The following ROR1 variants were observed in gnomAD, a reference collection of about 807,000 sequenced individuals.
ROR1 encodes inactive tyrosine-protein kinase transmembrane receptor ROR1.
ROR1 carries 19 observed loss-of-function variants against 78.8 expected under a neutral mutation model. That is an observed-to-expected ratio of 0.24 (90% confidence interval 0.17 to 0.35). The LOEUF (loss-of-function observed/expected upper bound fraction) is 0.35, where lower values mean the gene tolerates loss of function less well. ROR1 is among the 10% of genes least tolerant of loss of function. ROR1 has a pLI of 1.00. For missense variants in ROR1, 917 were observed against 1,177.8 expected (o/e 0.78, Z 3.24); for synonymous variants, 386 against 433.6 (o/e 0.89, Z 1.36).
intron 2 of ROR1, among the ~76,000 whole-genome samples, chr1:64,023,754 G>A (rs1011446761): frequency 3.3e-5 from 5 of 152,096 alleles, no homozygotes; most frequent in Admixed American, 6.5e-5. Flanking sequence ...AAACAAATTC[G>A]CAAGCATCTT....
chr1:63,880,586 G>T (rs1024999033), intron 1 of ROR1, among the ~76,000 whole-genome samples: 3 of 152,110 alleles, frequency 2.0e-5, no homozygotes, highest in Admixed American at 6.6e-5. Context: ...TTCTTTAAAA[G>T]ACTCTGCCTG....
At chr1:63,847,709 G>A (rs911507060) in intron 1 of ROR1, among the ~76,000 whole-genome samples, 2 of 152,184 alleles carry the variant, frequency 1.3e-5, no homozygotes, top group Admixed American at 6.5e-5. Flanking sequence ...AAAACAAGGG[G>A]CTGTGTTCCT....
At chr1:63,946,460 A>T (rs1199845319) in intron 1 of ROR1, among the ~76,000 whole-genome samples, 2 of 152,182 alleles carry the variant, frequency 1.3e-5, no homozygotes, top group Admixed American at 1.3e-4. Context: ...AGTTAAAAAA[A>T]TGTTTTTGTG....
At chr1:64,081,359 T>C (rs1280043806) in intron 4 of ROR1, among the ~76,000 whole-genome samples, 1 of 152,206 alleles carries the variant, frequency 6.6e-6, no homozygotes, top group African/African-American at 2.4e-5. Context: ...TATTTAATGT[T>C]AGACATATTG....
chr1:64,046,200 T>C (rs1646781644), intron 2 of ROR1, among the ~76,000 whole-genome samples: 1 of 152,170 alleles, frequency 6.6e-6, no homozygotes, highest in African/African-American at 2.4e-5. Context: ...AGTGATGGTC[T>C]GACACACATC....
At chr1:63,814,391 C>G (rs2100274131) in intron 1 of ROR1, among the ~76,000 whole-genome samples, 1 of 152,134 alleles carries the variant, frequency 6.6e-6, no homozygotes, top group South Asian at 2.1e-4. Context: ...TTTTTAGCAC[C>G]AGGGACCAGT....
chr1:63,940,494 CAGACAGATAGAT>C (rs1557573291), intron 1 of ROR1, among the ~76,000 whole-genome samples: 4 of 77,806 alleles, frequency 5.1e-5, no homozygotes, highest in Non-Finnish European at 1.2e-4. Flanking sequence ...GATAGATAGA[CAGACAGATAGAT>C]AGATAGATAG....
chr1:63,932,389 A>G (rs1016079409), intron 1 of ROR1, among the ~76,000 whole-genome samples: 1 of 152,120 alleles, frequency 6.6e-6, no homozygotes, highest in Non-Finnish European at 1.5e-5. Flanking sequence ...GGCAGCACTC[A>G]GGTCTCGGCA....
chr1:63,869,145 C>T (rs966400786), intron 1 of ROR1, among the ~76,000 whole-genome samples: 1 of 152,200 alleles, frequency 6.6e-6, no homozygotes, highest in Non-Finnish European at 1.5e-5. Flanking sequence ...GAGAAGGTAT[C>T]TGGTTCCCAA....
At chr1:63,986,465 G>A (rs190775993) in intron 1 of ROR1, among the ~76,000 whole-genome samples, 3 of 152,174 alleles carry the variant, frequency 2.0e-5, no homozygotes, top group Admixed American at 1.3e-4. Context: ...GGTGTGTTTG[G>A]AATGGTGAGC....
intron 1 of ROR1, among the ~76,000 whole-genome samples, chr1:63,854,879 TAC>T (rs1645138731): frequency 6.6e-6 from 1 of 152,242 alleles, no homozygotes; most frequent in Non-Finnish European, 1.5e-5. Context: ...CTAACCTACA[TAC>T]ATTCTCCTGT....
intron 7 of ROR1, among the ~76,000 whole-genome samples, chr1:64,148,046 A>G (rs993482889): frequency 3.3e-5 from 5 of 152,202 alleles, no homozygotes; most frequent in South Asian, 2.1e-4. Flanking sequence ...TCTTTTCTAC[A>G]CTGTACAATT....
At chr1:63,785,761 A>G (rs1393784378) in intron 1 of ROR1, among the ~76,000 whole-genome samples, 1 of 152,040 alleles carries the variant, frequency 6.6e-6, no homozygotes, top group Non-Finnish European at 1.5e-5. Context: ...CCTGACCTCA[A>G]GTGATCTGCC....
intron 1 of ROR1, among the ~76,000 whole-genome samples, chr1:63,943,145 G>A (rs1645855600): frequency 6.7e-6 from 1 of 149,242 alleles, no homozygotes; most frequent in Non-Finnish European, 1.5e-5. Context: ...ATGCCTATGA[G>A]CTACTCAGGA....
At chr1:64,115,645 C>T (rs971277785) in intron 4 of ROR1, among the ~76,000 whole-genome samples, 1 of 151,616 alleles carries the variant, frequency 6.6e-6, no homozygotes, top group African/African-American at 2.4e-5. Context: ...AGAATAAGCA[C>T]TCAATATATA....
chr1:64,172,355 G>T (rs770697608), intron 8 of ROR1, among the ~76,000 whole-genome samples: 5 of 152,144 alleles, frequency 3.3e-5, no homozygotes, highest in Non-Finnish European at 5.9e-5. Flanking sequence ...TCTAAAGAAA[G>T]AAGCATCTTG....
chr1:64,077,861 C>T (rs1478214355), intron 4 of ROR1, among the ~76,000 whole-genome samples: 1 of 152,226 alleles, frequency 6.6e-6, no homozygotes, highest in Non-Finnish European at 1.5e-5. Flanking sequence ...ACAATCATTG[C>T]CTTATGTTGA....
intron 4 of ROR1, among the ~76,000 whole-genome samples, chr1:64,122,711 A>G (rs1648584509): frequency 6.6e-6 from 1 of 152,214 alleles, no homozygotes; most frequent in African/African-American, 2.4e-5. Context: ...CTGTCCTTCA[A>G]GCATTTGAAC....
intron 8 of ROR1, among the ~76,000 whole-genome samples, chr1:64,176,667 G>C (rs1325912127): frequency 6.6e-6 from 1 of 152,150 alleles, no homozygotes; most frequent in Non-Finnish European, 1.5e-5. Context: ...TGACCATAGT[G>C]GTCAGGGAAG....
Sources: allele counts gnomAD v4.1 joint callset (sites outside exome capture counted in the v4.1 genomes callset), GRCh38; gene constraint gnomAD v4.1.1; transcripts MANE v1.5; gene names NCBI Gene and HGNC (gene_info 2026-07-23, HGNC 2026-07-21).